RABGAP1L: variants seen among roughly 807,000 people sequenced by gnomAD.
RABGAP1L encodes rab GTPase-activating protein 1-like.
A neutral mutation model predicts 137.7 loss-of-function variants in RABGAP1L; 63 were observed. The ratio of observed to expected loss-of-function variants is 0.46; its 90% CI spans 0.37 to 0.56. RABGAP1L has a LOEUF of 0.56. Ranked by LOEUF, RABGAP1L falls within the 20% of genes least tolerant of loss-of-function variation. The probability of loss-of-function intolerance (pLI) is 0.00; values close to 1 mark genes in which losing one functional copy is unlikely to be tolerated. For synonymous variants in RABGAP1L, 431 were observed against 433.7 expected (o/e 0.99, Z 0.08); for missense variants, 1,095 against 1,244.0 (o/e 0.88, Z 1.80).
At chr1:174,953,172 C>G (rs1667996938) in intron 19 of RABGAP1L, among the ~76,000 whole-genome samples, 1 of 151,918 alleles carries the variant, frequency 6.6e-6, no homozygotes, top group Admixed American at 6.6e-5. Flanking sequence ...ATTATTAAGG[C>G]AAATTCTTCC....
intron 15 of RABGAP1L, among the ~76,000 whole-genome samples, chr1:174,687,953 A>G (rs866917937): frequency 1.3e-5 from 2 of 152,176 alleles, no homozygotes; most frequent in African/African-American, 4.8e-5. Flanking sequence ...GGAAATTTCT[A>G]GATGCTTTGA....
chr1:174,527,238 C>CT (rs1333406524), intron 13 of RABGAP1L, among the ~76,000 whole-genome samples: 1 of 141,208 alleles, frequency 7.1e-6, no homozygotes, highest in Non-Finnish European at 1.5e-5. Context: ...GAATCTCACT[C>CT]TGTCTCCCGG....
intron 19 of RABGAP1L, among the ~76,000 whole-genome samples, chr1:174,858,338 A>G (rs1649662595): frequency 6.6e-6 from 1 of 152,146 alleles, no homozygotes; most frequent in African/African-American, 2.4e-5. Flanking sequence ...TATACTGTAT[A>G]TCCATGGTCC....
At chr1:174,892,651 T>G in intron 19 of RABGAP1L, 1 of 536,248 alleles carries the variant, frequency 1.9e-6, no homozygotes, top group Non-Finnish European at 3.7e-6. Flanking sequence ...CTGCTAAAGC[T>G]GATCCACTTT....
intron 13 of RABGAP1L, 44 bp from the exon 14 acceptor site, chr1:174,637,330 CT>C: frequency 7.4e-7 from 1 of 1,355,388 alleles, no homozygotes; most frequent in Non-Finnish European, 1.0e-6. Context: ...TATTTCATAA[CT>C]GGGAAAAAAT....
intron 13 of RABGAP1L, among the ~76,000 whole-genome samples, chr1:174,465,749 C>T (rs571192254): frequency 3.1e-4 from 47 of 152,260 alleles, no homozygotes; most frequent in African/African-American, 1.1e-3. Flanking sequence ...CTTTGGTTTA[C>T]AAATATCTCA....
chr1:174,332,391 T>G (rs1681106742), intron 11 of RABGAP1L, among the ~76,000 whole-genome samples: 1 of 151,878 alleles, frequency 6.6e-6, no homozygotes, highest in South Asian at 2.1e-4. Context: ...TTTATTTATT[T>G]ATTTATTTAT....
At chr1:174,557,380 T>G (rs1666946107) in intron 13 of RABGAP1L, among the ~76,000 whole-genome samples, 1 of 152,234 alleles carries the variant, frequency 6.6e-6, no homozygotes, top group Non-Finnish European at 1.5e-5. Flanking sequence ...AGGTAGCATT[T>G]CTGGCCTGAA....
intron 13 of RABGAP1L, among the ~76,000 whole-genome samples, chr1:174,635,072 G>GA (rs908870536): frequency 1.3e-5 from 2 of 150,224 alleles, no homozygotes; most frequent in African/African-American, 2.4e-5. Context: ...AATAAAAAAA[G>GA]AAAAAAAAGA....
intron 7 of RABGAP1L, among the ~76,000 whole-genome samples, chr1:174,268,279 A>T (rs1356589612): frequency 6.7e-6 from 1 of 149,392 alleles, no homozygotes; most frequent in Non-Finnish European, 1.5e-5. Context: ...GGCTCACTGT[A>T]AGCTCTGCCT....
chr1:174,409,124 A>C (rs1160122106), intron 13 of RABGAP1L, among the ~76,000 whole-genome samples: 2 of 152,118 alleles, frequency 1.3e-5, no homozygotes, highest in Admixed American at 6.6e-5. Flanking sequence ...GTTTAGTCAT[A>C]AATTATTGTT....
intron 13 of RABGAP1L, among the ~76,000 whole-genome samples, chr1:174,550,897 C>CAT (rs1417171599): frequency 8.1e-5 from 3 of 36,966 alleles, no homozygotes; most frequent in East Asian, 9.4e-4. Context: ...TATATATATA[C>CAT]ACACACACAT....
chr1:174,691,442 T>C (rs191795351), intron 15 of RABGAP1L, among the ~76,000 whole-genome samples: 346 of 152,336 alleles, frequency 2.3e-3, no homozygotes, highest in Non-Finnish European at 3.0e-3. Flanking sequence ...TTAGTACAGA[T>C]GGCAGATCAT....
At chr1:174,813,502 C>G (rs1170316496) in intron 19 of RABGAP1L, among the ~76,000 whole-genome samples, 1 of 152,132 alleles carries the variant, frequency 6.6e-6, no homozygotes, top group Non-Finnish European at 1.5e-5. Flanking sequence ...ATAACACAAT[C>G]TTTTTAAATT....
At chr1:174,896,453 A>G (rs1484511501) in intron 19 of RABGAP1L, among the ~76,000 whole-genome samples, 2 of 152,010 alleles carry the variant, frequency 1.3e-5, no homozygotes, top group Non-Finnish European at 2.9e-5. Context: ...ATTAGATCCC[A>G]TTTGTCAATT....
rs1192371984 is a variant in RABGAP1L, at chr1:174,292,023, TTA to T, written c.1324-12961_1324-12960del. Among the ~76,000 whole-genome samples the T allele has an allele frequency of 5.3e-5, 5 of 94,698 alleles. No individual in the cohort carries two copies. The South Asian group carries it at 1.4e-3, about 26-fold the overall frequency. 62.1% of individuals were successfully genotyped at this position (94,698 alleles called of 152,430 possible). A position where few individuals can be genotyped will look rare whatever the true frequency, so the allele number is the denominator to read the frequency against. ...CTTCATGTGAAGATTAGATCATTTATTATTATTATTATTATTATTATTATTAT... is the reference window on the plus strand; with the variant it reads ...CTTCATGTGAAGATTAGATCATTTATTTATTATTATTATTATTATTATTAT... On this transcript the variant is annotated intron_variant, in intron 10 of 25. Transcript: ENST00000681986.
At chr1:174,302,060 T>A (rs1225099146) in intron 10 of RABGAP1L, among the ~76,000 whole-genome samples, 1 of 152,242 alleles carries the variant, frequency 6.6e-6, no homozygotes, top group African/African-American at 2.4e-5. Flanking sequence ...GGAAAGACTT[T>A]TCAAAGGATC....
intron 14 of RABGAP1L, among the ~76,000 whole-genome samples, chr1:174,673,123 C>A (rs1677312210): frequency 6.6e-6 from 1 of 152,018 alleles, no homozygotes; most frequent in Non-Finnish European, 1.5e-5. Context: ...CTCACATACA[C>A]CCATAGCTCT....
At chr1:174,769,777 CA>C (rs1415157281) in intron 18 of RABGAP1L, among the ~76,000 whole-genome samples, 1 of 151,890 alleles carries the variant, frequency 6.6e-6, no homozygotes, top group Non-Finnish European at 1.5e-5. Flanking sequence ...GGTGTGAACC[CA>C]GGAGGCAGAG....
Sources: allele counts gnomAD v4.1 joint callset (sites outside exome capture counted in the v4.1 genomes callset), GRCh38; gene constraint gnomAD v4.1.1; transcripts MANE v1.5; gene names NCBI Gene and HGNC (gene_info 2026-07-23, HGNC 2026-07-21).